The following APOBEC3F variants were observed in gnomAD, a reference collection of about 807,000 sequenced individuals.
The protein encoded by APOBEC3F is apolipoprotein B mRNA editing enzyme catalytic subunit 3F.
Under a neutral mutation model 45.8 loss-of-function variants are expected in APOBEC3F, and 34 were observed. The ratio of observed to expected loss-of-function variants is 0.74; its 90% CI spans 0.57 to 0.99. The LOEUF is 0.99. Ranked by LOEUF, APOBEC3F falls within the 50% of genes least tolerant of loss-of-function variation. The probability of loss-of-function intolerance (pLI) is 0.00; values close to 1 mark genes in which losing one functional copy is unlikely to be tolerated. For synonymous variants in APOBEC3F, 192 were observed against 174.4 expected (o/e 1.10, Z -0.80); for missense variants, 459 against 474.1 (o/e 0.97, Z 0.30).
At chr22:39,042,150 T>G (rs535444231) in intron 1 of APOBEC3F, among the ~76,000 whole-genome samples, 1 of 152,324 alleles carries the variant, frequency 6.6e-6, no homozygotes, top group Admixed American at 6.5e-5. Context: ...CAGCCTCACA[T>G]GAGCTCACAT....
intron 4 of APOBEC3F, among the ~76,000 whole-genome samples, chr22:39,046,359 A>G (rs938517958): frequency 6.6e-6 from 1 of 152,140 alleles, no homozygotes; most frequent in Non-Finnish European, 1.5e-5. Context: ...TTAGTCCATG[A>G]CAATGGGTCA....
chr22:39,044,094 T>A (rs1344444478), intron 2 of APOBEC3F: 2 of 1,550,738 alleles, frequency 1.3e-6, no homozygotes, highest in Non-Finnish European at 1.7e-6. Flanking sequence ...TGCCCAGGTC[T>A]TTCATCAGAG....
At position 39,052,164 on chromosome 22, in the gene APOBEC3F, A is replaced by T. The variant is rs777484660; in HGVS notation, c.814A>T (p.Thr272Ser). 6.2e-7 allele frequency: 1 copy of T among 1,614,044 alleles called. No homozygotes were observed. Among genetic ancestry groups the T allele is most frequent in the Admixed American group, 1.7e-5 (1 of 60,016 alleles). ...GTCTCCTAACACAAACTACGAGGTC[A>T]CCTGGTACACATCTTGGAGCCCTTG... ...ILSPNTNYEVTWYTSWSPCPE... is the reference protein window; with the variant it reads ...ILSPNTNYEVSWYTSWSPCPE... Residue 272 changes from threonine (T) to serine (S), a missense_variant, in exon 6 of 7, where the codon ACC becomes TCC. By Grantham distance (58) the Thr-to-Ser change is moderately conservative. Transcript: ENST00000308521.
intron 2 of APOBEC3F, 36 bp downstream of exon 2, chr22:39,043,126 G>A (rs1331215442): frequency 1.9e-6 from 3 of 1,610,594 alleles, no homozygotes; most frequent in East Asian, 2.2e-5. Context: ...GCAGGCAGGA[G>A]CTAAGCCAGC....
Position 39,054,486 on chromosome 22 carries a change from T to A in APOBEC3F, c.*1791T>A, listed in dbSNP as rs1418485524. Among the ~76,000 whole-genome samples the A allele has an allele frequency of 1.3e-5, 2 of 152,198 alleles. No individual in the cohort carries two copies. The highest frequency in any genetic ancestry group is 6.5e-5 in the Admixed American group (1 of 15,274). On this transcript the variant is annotated 3_prime_UTR_variant, in exon 7 of 7. Transcript: ENST00000308521. ...ACCTCGTGATCCACCCGTCTCGGCC[T>A]CCCAAAGTGCTGGGATTACAGGCGT...
rs146733538 is a variant in APOBEC3F at position 39,053,013 on chromosome 22, A to G, written c.*318A>G. 6.3e-3 allele frequency: 1,417 copies of G among 225,152 alleles called. 26 individuals carry two copies. The highest frequency in any genetic ancestry group is 0.03 in the African/African-American group (1,291 of 42,420). 13.9% of individuals were successfully genotyped at this position (225,152 alleles called of 1,614,324 possible). Reference sequence around the variant, plus strand: ...ATTTTTTTTTTTTTTTTGAGACGGAATTTCGCTCTGTCACCCAGACTGGAG... The same window carrying G: ...ATTTTTTTTTTTTTTTTGAGACGGAGTTTCGCTCTGTCACCCAGACTGGAG... On this transcript the variant is annotated 3_prime_UTR_variant, in exon 7 of 7. Coordinates refer to ENST00000308521, the MANE Select transcript of APOBEC3F (RefSeq NM_145298.6).
chr22:39,042,071 G>T (rs1926931737), intron 1 of APOBEC3F, among the ~76,000 whole-genome samples: 1 of 152,204 alleles, frequency 6.6e-6, no homozygotes, highest in African/African-American at 2.4e-5. Flanking sequence ...GGCCTGGGCA[G>T]GTTACCCCAT....
At chr22:39,046,514 C>T (rs928706003) in intron 4 of APOBEC3F, among the ~76,000 whole-genome samples, 2 of 152,144 alleles carry the variant, frequency 1.3e-5, no homozygotes, top group East Asian at 1.9e-4. Flanking sequence ...GCACCCAGCC[C>T]GGCCTCTGCT....
rs1927611594 is a variant in APOBEC3F, at chr22:39,053,951, C to T, written c.*1256C>T. The T allele has an allele frequency of 6.6e-6, 1 of 152,198 alleles. No homozygotes were observed. Among genetic ancestry groups the T allele is most frequent in the Admixed American group, 6.5e-5 (1 of 15,286 alleles). 9.4% of individuals were successfully genotyped at this position (152,198 alleles called of 1,614,324 possible). A position where few individuals can be genotyped will look rare whatever the true frequency, so the allele number is the denominator to read the frequency against. ...GCAGCTATTCAGCAATGGAACCTCC[C>T]AGTTCCCAACCCTTCCTAGTGCCCA... On this transcript the variant is annotated 3_prime_UTR_variant, in exon 7 of 7. Transcript: ENST00000308521.
rs769644281 is a variant in APOBEC3F, at chr22:39,055,175, C to T, written c.*2480C>T. Reference sequence around the variant, plus strand: ...GCAACCTCTGCCTTCCGAGTTCAAGCGATTCTCGTGCCTCAGCCTCCTGAG... The same window carrying T: ...GCAACCTCTGCCTTCCGAGTTCAAGTGATTCTCGTGCCTCAGCCTCCTGAG... On this transcript the variant is annotated 3_prime_UTR_variant, in exon 7 of 7. Coordinates refer to ENST00000308521, the MANE Select transcript of APOBEC3F (RefSeq NM_145298.6). 1.3e-5 allele frequency among the ~76,000 whole-genome samples: 2 copies of T among 151,480 alleles called. No homozygotes were observed. Among genetic ancestry groups the T allele is most frequent in the African/African-American group, 2.4e-5 (1 of 41,114 alleles).
chr22:39,047,897 T>C (rs1298493961), intron 4 of APOBEC3F, among the ~76,000 whole-genome samples: 1 of 152,142 alleles, frequency 6.6e-6, no homozygotes, highest in Non-Finnish European at 1.5e-5. Flanking sequence ...AGCACTTCCA[T>C]GGAATTTCTG....
Position 39,052,277 on chromosome 22 carries a change from C to G in APOBEC3F, c.927C>G (p.Phe309Leu). ...TCTTCACCGCCCGCCTCTACTACTT[C>G]TGGGATACAGATTACCAGGAGGGGC... The part of the protein sequence containing the change: ...LTIFTARLYY[F>L]WDTDYQEGLR... The change falls in exon 6 of 7, where the codon TTC becomes TTG. Residue 309 changes from phenylalanine (F) to leucine (L), a missense_variant. Phe to Leu is a conservative substitution (Grantham distance 22). Transcript: ENST00000308521. 1 of 1,614,230 alleles carries G rather than the reference C, an allele frequency of 6.2e-7. No homozygotes were observed. The highest frequency in any genetic ancestry group is 8.5e-7 in the Non-Finnish European group (1 of 1,180,044).
Position 39,052,029 on chromosome 22 carries a change from G to T in APOBEC3F, c.724-45G>T, listed in dbSNP as rs1251477873. The T allele has an allele frequency of 1.9e-6, 3 of 1,606,368 alleles. No individual in the cohort carries two copies. In the South Asian group the frequency reaches 3.3e-5, roughly 18 times the overall value. On this transcript the variant is annotated intron_variant, in intron 5 of 6. Coordinates refer to ENST00000308521, the MANE Select transcript of APOBEC3F (RefSeq NM_145298.6). ...ATCGCCCCACCCCTGCACTCCTCCT[G>T]CTCCTAGTCTGAGCTCCCCTGCCCT...
chr22:39,052,615 G>A lies in APOBEC3F; in HGVS notation c.1042G>A (p.Asp348Asn), dbSNP rs1446490996. The A allele has an allele frequency of 6.2e-7, 1 of 1,613,982 alleles. No homozygotes were observed. The highest frequency in any genetic ancestry group is 2.2e-5 in the East Asian group (1 of 44,884). Reference protein sequence around the residue: ...YCWENFVYNDDEPFKPWKGLK... With the variant: ...YCWENFVYNDNEPFKPWKGLK... The stretch of plus-strand genomic sequence containing the variant: ...TTGGGAAAACTTTGTGTACAATGAT[G>A]ATGAGCCATTCAAGCCTTGGAAAGG... Residue 348 changes from aspartate to asparagine, a missense_variant, in exon 7 of 7, where the codon GAT becomes AAT. Physicochemically the swap from Asp to Asn is conservative, Grantham distance 23. Transcript: ENST00000308521.
In APOBEC3F at chr22:39,040,872, G is replaced by A; in HGVS notation, c.-89G>A. 6.4e-7 allele frequency: 1 copy of A among 1,550,618 alleles called. No homozygotes were observed. The highest frequency in any genetic ancestry group is 2.4e-5 in the East Asian group (1 of 40,862). On this transcript the variant is annotated 5_prime_UTR_variant, in exon 1 of 7. Transcript: ENST00000308521. ...CGAGGCCCTGGGAGGTCACTTTAGG[G>A]AGGGCTGTCCTGAAACCTGGAGCCT...
At chr22:39,041,126 A>G (rs1256197249) in intron 1 of APOBEC3F, 149 bp downstream of exon 1, 14 of 1,393,184 alleles carry the variant, frequency 1.0e-5, no homozygotes, top group African/African-American at 3.2e-5. Context: ...ACTCCCAGCC[A>G]GGCTCTTTTT....
rs1569067992 is a variant in APOBEC3F at position 39,042,306 on chromosome 22, C to CTTTTTTTTTTTTTTTTTTT, written c.18-630_18-629insTTTTTTTTTTTTTTTTTTT. On this transcript the variant is annotated intron_variant, in intron 1 of 6. Transcript: ENST00000308521. ...TTTGGGGTGAATAGTTTTATTCTCT[C>CTTTTTTTTTTTTTTTTTTT]TCTCTTTTTTTTTTTTTTTTTTGAG... Among the ~76,000 whole-genome samples the CTTTTTTTTTTTTTTTTTTT allele has an allele frequency of 1.5e-5, 2 of 132,532 alleles. 1 individual carries two copies. Among genetic ancestry groups the CTTTTTTTTTTTTTTTTTTT allele is most frequent in the Non-Finnish European group, 3.2e-5 (2 of 61,606 alleles). 86.9% of individuals were successfully genotyped at this position (132,532 alleles called of 152,430 possible).
At chr22:39,045,246 C>G in intron 3 of APOBEC3F, 26 bp downstream of exon 3, 1 of 1,609,908 alleles carries the variant, frequency 6.2e-7, no homozygotes, top group Non-Finnish European at 8.5e-7. Context: ...GTCAGGGGAG[C>G]GTGAGCGGGA....
chr22:39,052,849 C>G lies in APOBEC3F; in HGVS notation c.*154C>G. Reference sequence around the variant, plus strand: ...TCCATAGTGCTCCCCTGCCTCACCACCTCCTCTCCGCTCTCCCAGGCTCTT... The same window carrying G: ...TCCATAGTGCTCCCCTGCCTCACCAGCTCCTCTCCGCTCTCCCAGGCTCTT... On this transcript the variant is annotated 3_prime_UTR_variant, in exon 7 of 7. Coordinates refer to ENST00000308521, the MANE Select transcript of APOBEC3F (RefSeq NM_145298.6). 1.4e-6 allele frequency: 2 copies of G among 1,447,116 alleles called. No individual in the cohort carries two copies. Among genetic ancestry groups the G allele is most frequent in the Admixed American group, 5.6e-5 (2 of 35,934 alleles). 89.6% of individuals were successfully genotyped at this position (1,447,116 alleles called of 1,614,324 possible).
Sources: allele counts gnomAD v4.1 joint callset (sites outside exome capture counted in the v4.1 genomes callset), GRCh38; gene constraint gnomAD v4.1.1; transcripts MANE v1.5; gene names NCBI Gene and HGNC (gene_info 2026-07-23, HGNC 2026-07-21).